The following RNF157 variants were observed in gnomAD, a reference collection of about 807,000 sequenced individuals.
RNF157 encodes E3 ubiquitin ligase RNF157.
RNF157 carries 55 observed loss-of-function variants against 88.3 expected under a neutral mutation model. That is an observed-to-expected ratio of 0.62 (90% CI 0.50 to 0.78). RNF157 has a LOEUF of 0.78. RNF157 is among the 30% of genes least tolerant of loss of function. The pLI is 0.00. For synonymous variants in RNF157, 334 were observed against 341.2 expected, an observed-to-expected ratio of 0.98 and a Z score of 0.23; for missense variants, 788 against 860.8, an observed-to-expected ratio of 0.92 and a Z score of 1.06.
chr17:76,151,193 C>T (rs2068670045), intron 18 of RNF157, among the ~76,000 whole-genome samples: 1 of 152,252 alleles, frequency 6.6e-6, no homozygotes, highest in Admixed American at 6.5e-5. Flanking sequence ...GGAACTGATA[C>T]TGCCTCTTTT....
At chr17:76,202,999 T>C (rs892601658) in intron 2 of RNF157, among the ~76,000 whole-genome samples, 1 of 152,222 alleles carries the variant, frequency 6.6e-6, no homozygotes, top group Non-Finnish European at 1.5e-5. Context: ...TTGTAATAGT[T>C]ATCTTTTTTT....
chr17:76,190,962 G>A (rs548645103), intron 2 of RNF157, among the ~76,000 whole-genome samples: 29 of 149,170 alleles, frequency 1.9e-4, no homozygotes, highest in African/African-American at 6.2e-4. Context: ...CTGTAGTCCC[G>A]GCACTTTGGG....
At chr17:76,183,442 C>T (rs1042559414) in intron 2 of RNF157, among the ~76,000 whole-genome samples, 1 of 152,062 alleles carries the variant, frequency 6.6e-6, no homozygotes, top group East Asian at 1.9e-4. Flanking sequence ...AAAATAAATT[C>T]ACATAAAGTT....
In RNF157 at chr17:76,240,289, T is replaced by A; in HGVS notation, c.-49A>T. ...CCCGGCCCCGGTGCCCGCGCCGCCCTCCGCGCTTCACCGCGGCCGCCCGCC... is the reference window on the plus strand; with the variant it reads ...CCCGGCCCCGGTGCCCGCGCCGCCCACCGCGCTTCACCGCGGCCGCCCGCC... On this transcript the variant is annotated 5_prime_UTR_variant, in exon 1 of 19. Transcript: ENST00000269391. This position sits in a 1 kb window ranked among gnomAD's most constrained non-coding sequence, Gnocchi z 4.4. 1.0e-6 allele frequency: 1 copy of A among 954,916 alleles called. No individual in the cohort carries two copies. Among genetic ancestry groups the A allele is most frequent in the Non-Finnish European group, 1.3e-6 (1 of 793,738 alleles). 59.2% of individuals were successfully genotyped at this position (954,916 alleles called of 1,614,324 possible). A position where few individuals can be genotyped will look rare whatever the true frequency, so the allele number is the denominator to read the frequency against.
intron 2 of RNF157, among the ~76,000 whole-genome samples, chr17:76,175,032 C>T (rs955142366): frequency 6.6e-6 from 1 of 152,156 alleles, no homozygotes; most frequent in African/African-American, 2.4e-5. Flanking sequence ...TTTTACTACT[C>T]GGCAATACCA....
At chr17:76,219,130 C>T (rs1231703072) in intron 1 of RNF157, among the ~76,000 whole-genome samples, 1 of 151,602 alleles carries the variant, frequency 6.6e-6, no homozygotes, top group African/African-American at 2.4e-5. Flanking sequence ...CTAGTTATAT[C>T]CATATTATTC....
chr17:76,206,982 T>TA (rs1477316119), intron 2 of RNF157, among the ~76,000 whole-genome samples: 1 of 152,242 alleles, frequency 6.6e-6, no homozygotes, highest in Non-Finnish European at 1.5e-5. Context: ...ACCTGAGTGA[T>TA]ACGTTTGCCA....
In RNF157 at chr17:76,210,588, C is replaced by CA. The variant is rs71161274; in HGVS notation, c.207+1775dup. ...CTGGGCGACAGAGCCAGACTCCGTC[C>CA]AAAAAAAAAAAAAAAAGAAAGAAAG... is the stretch of plus-strand genomic sequence containing the variant. On this transcript the variant is annotated intron_variant, in intron 2 of 18. Transcript: ENST00000269391. Among the ~76,000 whole-genome samples the CA allele has an allele frequency of 7.3e-4, 39 of 53,528 alleles. 3 individuals carry two copies. Among genetic ancestry groups the CA allele is most frequent in the East Asian group, 3.8e-3 (5 of 1,322 alleles). The allele number at this position is 53,528 out of a possible 152,430, so 35.1% of individuals were successfully genotyped here.
intron 2 of RNF157, among the ~76,000 whole-genome samples, chr17:76,210,004 C>T (rs530807797): frequency 2.6e-5 from 4 of 152,144 alleles, no homozygotes; most frequent in South Asian, 2.1e-4. Context: ...GTGATCCGCC[C>T]GCCTCGGCCT....
At chr17:76,156,482 C>T in intron 13 of RNF157, 161 bp from the exon 14 acceptor site, 1 of 1,428,712 alleles carries the variant, frequency 7.0e-7, no homozygotes, top group African/African-American at 1.4e-5. Context: ...CTTCCGTCCT[C>T]ACTTCAGCCC....
At chr17:76,174,172 A>G (rs1266283261) in intron 2 of RNF157, among the ~76,000 whole-genome samples, 1 of 152,114 alleles carries the variant, frequency 6.6e-6, no homozygotes, top group Non-Finnish European at 1.5e-5. Flanking sequence ...ACGACAGGGA[A>G]CCAGACCTGC....
chr17:76,162,144 C>T, intron 9 of RNF157, 142 bp from the exon 10 acceptor site: 1 of 800,678 alleles, frequency 1.2e-6, no homozygotes. Context: ...TTGTCATTTT[C>T]CCAGTGCGTC....
In RNF157 at chr17:76,209,651, A is replaced by T. The variant is rs80021847; in HGVS notation, c.207+2713T>A. ...ATCTTTATGGACTGAAAAGGCCAAA[A>T]TTTTTTTAAAAATATATAAACTATC... On this transcript the variant is annotated intron_variant, in intron 2 of 18. Transcript: ENST00000269391. Among the ~76,000 whole-genome samples the T allele has an allele frequency of 4.5e-3, 691 of 152,288 alleles. 15 individuals are homozygous for T. The highest frequency in any genetic ancestry group is 0.026 in the East Asian group (133 of 5,192).
chr17:76,153,704 G>A (rs556785851), intron 17 of RNF157: 1 of 153,016 alleles, frequency 6.5e-6, no homozygotes, highest in South Asian at 2.1e-4. Flanking sequence ...TATGGTAAAG[G>A]AAGATTATTA....
chr17:76,213,335 T>A (rs2069833655), intron 1 of RNF157, among the ~76,000 whole-genome samples: 1 of 151,998 alleles, frequency 6.6e-6, no homozygotes, highest in South Asian at 2.1e-4. Context: ...TTTGGGAGGC[T>A]GAGGAGGGCG....
intron 2 of RNF157, among the ~76,000 whole-genome samples, chr17:76,185,649 T>G (rs1359036470): frequency 6.6e-6 from 1 of 151,780 alleles, no homozygotes; most frequent in Non-Finnish European, 1.5e-5. Flanking sequence ...TTTTGTATTT[T>G]CAGTAGAGAC....
At position 76,240,098 on chromosome 17, in the gene RNF157, AC is replaced by A; in HGVS notation, c.88+54del. The stretch of plus-strand genomic sequence containing the variant: ...GCCCCCTCAGGCCGTCCCGACCCAG[AC>A]CCCTGCCCCTGCCCCTCTCCCTCCT... On this transcript the variant is annotated intron_variant, in intron 1 of 18. Transcript: ENST00000269391. The surrounding 1 kb of genome is among the most constrained non-coding windows in gnomAD (Gnocchi z 4.4). The A allele has an allele frequency of 9.0e-7, 1 of 1,109,540 alleles. No individual in the cohort carries two copies. Among genetic ancestry groups the A allele is most frequent in the Non-Finnish European group, 1.1e-6 (1 of 872,716 alleles). The allele number at this position is 1,109,540 out of a possible 1,614,324, so 68.7% of individuals were successfully genotyped here. A position where few individuals can be genotyped will look rare whatever the true frequency, so the allele number is the denominator to read the frequency against.
At chr17:76,239,508 C>T (rs2070337111) in intron 1 of RNF157, among the ~76,000 whole-genome samples, 1 of 152,150 alleles carries the variant, frequency 6.6e-6, no homozygotes, top group Non-Finnish European at 1.5e-5. Flanking sequence ...ACTCAGATTC[C>T]CAAACATTTC....
In RNF157 at chr17:76,174,540, G is replaced by A. The variant is rs556117480; in HGVS notation, c.208-750C>T. On this transcript the variant is annotated intron_variant, in intron 2 of 18. Transcript: ENST00000269391. ...ATCAAGAATGATTTCAAATGTTCCC[G>A]GTATTTTTAAAATGTTATTTGGGCA... Among the ~76,000 whole-genome samples the A allele has an allele frequency of 9.9e-5, 15 of 152,278 alleles. No individual in the cohort carries two copies. The East Asian group carries it at 2.7e-3, about 27-fold the overall frequency.
Sources: allele counts gnomAD v4.1 joint callset (sites outside exome capture counted in the v4.1 genomes callset), GRCh38; gene constraint gnomAD v4.1.1; non-coding constraint Gnocchi (gnomAD v3.1); transcripts MANE v1.5; gene names NCBI Gene and HGNC (gene_info 2026-07-23, HGNC 2026-07-21).